The following LEO1 variants were observed in gnomAD, a reference collection of about 807,000 sequenced individuals.
LEO1 encodes the protein RNA polymerase-associated protein LEO1.
In LEO1, 34 loss-of-function variants were observed where a neutral mutation model predicts 80.4. The observed-to-expected ratio is 0.42, with a 90% CI of 0.32 to 0.56. LEO1 has a LOEUF of 0.56. LEO1 is among the 20% of genes least tolerant of loss of function. The probability of loss-of-function intolerance (pLI) is 0.10; values close to 1 mark genes in which losing one functional copy is unlikely to be tolerated. For synonymous variants in LEO1, 262 were observed against 274.9 expected (o/e 0.95, Z 0.46); for missense variants, 631 against 814.2 (o/e 0.77, Z 2.74).
chr15:51,971,138 C>CT (rs1333273779), intron 1 of LEO1, among the ~76,000 whole-genome samples: 1 of 152,148 alleles, frequency 6.6e-6, no homozygotes, highest in Non-Finnish European at 1.5e-5. Flanking sequence ...TGCACAAGCT[C>CT]TTAGAGAACA....
At chr15:51,960,525 G>T (rs1663822520) in intron 4 of LEO1, 114 bp downstream of exon 4, 1 of 661,246 alleles carries the variant, frequency 1.5e-6, no homozygotes, top group Non-Finnish European at 2.7e-6. Flanking sequence ...TCTGTTCATG[G>T]TATTTTCATA....
chr15:51,958,294 G>GAA (rs11383313), intron 6 of LEO1, among the ~76,000 whole-genome samples: 85 of 140,820 alleles, frequency 6.0e-4, no homozygotes, highest in Admixed American at 7.8e-4. Context: ...CATATCTACA[G>GAA]AAAAAAAAAA....
intron 9 of LEO1, among the ~76,000 whole-genome samples, chr15:51,951,164 C>T (rs1225398807): frequency 6.6e-6 from 1 of 152,126 alleles, no homozygotes; most frequent in African/African-American, 2.4e-5. Context: ...CACTAAACAA[C>T]GTAATCACAA....
chr15:51,946,694 C>T (rs1472144497), intron 11 of LEO1, among the ~76,000 whole-genome samples: 2 of 151,968 alleles, frequency 1.3e-5, no homozygotes, highest in Non-Finnish European at 2.9e-5. Context: ...GCACACACCA[C>T]TACATCCAGC....
chr15:51,965,660 G>T lies in LEO1; in HGVS notation c.814+89C>A, dbSNP rs1028120410. The T allele has an allele frequency of 5.4e-6, 8 of 1,493,504 alleles. No homozygotes were observed. The Admixed American group carries it at 6.9e-5, about 13-fold the overall frequency. 92.5% of individuals were successfully genotyped at this position (1,493,504 alleles called of 1,614,324 possible). On this transcript the variant is annotated intron_variant, in intron 2 of 11. Coordinates refer to ENST00000299601, the MANE Select transcript of LEO1 (RefSeq NM_138792.4). ...GAGGGGACAGAAGAGAAAAAACAGG[G>T]TAATAAAGATGGGAATAAAGACTAA... is the stretch of plus-strand genomic sequence containing the variant.
At chr15:51,970,068 C>CA (rs1393406253) in intron 1 of LEO1, among the ~76,000 whole-genome samples, 2 of 152,080 alleles carry the variant, frequency 1.3e-5, no homozygotes, top group Non-Finnish European at 2.9e-5. Flanking sequence ...GGCTGCTCCT[C>CA]AAAATATTAA....
intron 11 of LEO1, 72 bp downstream of exon 11, chr15:51,947,220 G>A: frequency 1.1e-6 from 1 of 951,160 alleles, no homozygotes; most frequent in Non-Finnish European, 1.7e-6. Context: ...CCTGATCTGT[G>A]AGCTCTTCAT....
intron 5 of LEO1, among the ~76,000 whole-genome samples, chr15:51,959,344 C>T (rs2057012985): frequency 6.6e-6 from 1 of 152,104 alleles, no homozygotes; most frequent in Admixed American, 6.6e-5. Flanking sequence ...ATACATATTG[C>T]TTGAAATAAA....
chr15:51,940,190 G>A (rs545875117), intron 11 of LEO1, among the ~76,000 whole-genome samples: 84 of 149,908 alleles, frequency 5.6e-4, no homozygotes, highest in African/African-American at 2.0e-3. Flanking sequence ...AGGAGGTGGA[G>A]GTTGCAGTGG....
Position 51,962,412 on chromosome 15 carries a change from T to C in LEO1, c.896A>G (p.Asp299Gly), listed in dbSNP as rs114144036. Residue 299 changes from aspartate to glycine, a missense_variant, in exon 3 of 12, where the codon GAT becomes GGT. Physicochemically the swap from Asp to Gly is moderately conservative, Grantham distance 94. Coordinates refer to ENST00000299601, the MANE Select transcript of LEO1 (RefSeq NM_138792.4). ...KNAIASDSEA[D>G]SDTEVPKDNS... ...ACCTTTTGGCACCTCAGTGTCACTA[T>C]CCGCTTCTGAATCAGATGCAATCGC... 3.7e-6 allele frequency: 6 copies of C among 1,611,738 alleles called. No homozygotes were observed. In the East Asian group the frequency reaches 1.3e-4, roughly 36 times the overall value.
chr15:51,965,261 C>G (rs118007431), intron 2 of LEO1, among the ~76,000 whole-genome samples: 2,071 of 152,290 alleles, frequency 0.014, 83 homozygotes, highest in East Asian at 0.071. Flanking sequence ...GAGTAAACTC[C>G]TTAGAGCTTG....
rs184441063 is a variant in LEO1 at position 51,940,343 on chromosome 15, G to A, written c.1897-2083C>T. On this transcript the variant is annotated intron_variant, in intron 11 of 11. Transcript: ENST00000299601. Reference sequence around the variant, plus strand: ...TGGGAGGCCGAGGTGGGCAGATCACGAGGTCAGGAGTTCAAGACCAGCCCA... The same window carrying A: ...TGGGAGGCCGAGGTGGGCAGATCACAAGGTCAGGAGTTCAAGACCAGCCCA... Among the ~76,000 whole-genome samples, 150 of 148,918 alleles carry A rather than the reference G, an allele frequency of 1.0e-3. 1 individual carries two copies. The highest frequency in any genetic ancestry group is 3.6e-3 in the African/African-American group (146 of 40,352).
In LEO1 at chr15:51,947,140, C is replaced by T. The variant is rs1257672360; in HGVS notation, c.1896+152G>A. ...ACAGGTATCAGATCCTCCTCTGGAT[C>T]ACTCTGTCTTGTTACTGCATTTATC... On this transcript the variant is annotated intron_variant, in intron 11 of 11. Transcript: ENST00000299601. 1.2e-5 allele frequency: 8 copies of T among 672,792 alleles called. No individual in the cohort carries two copies. In the East Asian group the frequency reaches 2.1e-4, roughly 18 times the overall value. 41.7% of individuals were successfully genotyped at this position (672,792 alleles called of 1,614,324 possible).
chr15:51,967,528 C>A (rs537000881), intron 1 of LEO1, among the ~76,000 whole-genome samples: 2 of 152,304 alleles, frequency 1.3e-5, no homozygotes, highest in African/African-American at 4.8e-5. Flanking sequence ...AAATATAGAT[C>A]TACACATCCA....
At position 51,967,116 on chromosome 15, in the gene LEO1, G is replaced by A. The variant is rs531478622; in HGVS notation, c.59-612C>T. On this transcript the variant is annotated intron_variant, in intron 1 of 11. Transcript: ENST00000299601. ...CTAGAAGATTTATGGGACACCTTAA[G>A]TTATACCAATGTATGCATAATGGAG... is the stretch of plus-strand genomic sequence containing the variant. Among the ~76,000 whole-genome samples the A allele has an allele frequency of 2.6e-5, 4 of 152,232 alleles. 1 individual carries two copies. In the South Asian group the frequency reaches 8.3e-4, roughly 32 times the overall value.
intron 8 of LEO1, among the ~76,000 whole-genome samples, chr15:51,952,447 T>C (rs559262978): frequency 6.6e-6 from 1 of 151,986 alleles, no homozygotes; most frequent in Non-Finnish European, 1.5e-5. Context: ...CAAATATGAG[T>C]CTAACTGATT....
chr15:51,948,259 T>C (rs1226551033), intron 10 of LEO1, among the ~76,000 whole-genome samples: 1 of 152,230 alleles, frequency 6.6e-6, no homozygotes, highest in Non-Finnish European at 1.5e-5. Flanking sequence ...ATCTGATTAC[T>C]GTATGGAACT....
chr15:51,943,019 G>A (rs542075926), intron 11 of LEO1, among the ~76,000 whole-genome samples: 1 of 151,794 alleles, frequency 6.6e-6, no homozygotes, highest in Non-Finnish European at 1.5e-5. Context: ...TTGGGTGGTT[G>A]AGGTGAGAGG....
intron 11 of LEO1, among the ~76,000 whole-genome samples, chr15:51,939,991 C>T (rs1042337692): frequency 1.3e-5 from 2 of 152,210 alleles, no homozygotes; most frequent in Non-Finnish European, 2.9e-5. Flanking sequence ...CGCGATGGCT[C>T]ACGCCTGTAA....
Sources: gnomAD v4.1 joint callset for allele counts (sites outside exome capture counted in the v4.1 genomes callset) on GRCh38, gnomAD v4.1.1 for gene constraint, MANE v1.5 for transcripts, NCBI Gene and HGNC (gene_info 2026-07-23, HGNC 2026-07-21) for gene names.